Variants in CDKAL1 observed in about 807,000 individuals in gnomAD.
CDKAL1 encodes threonylcarbamoyladenosine tRNA methylthiotransferase.
A neutral mutation model predicts 68.2 loss-of-function variants in CDKAL1; 32 were observed. That is an observed-to-expected ratio of 0.47 (90% confidence interval 0.35 to 0.63). The LOEUF (loss-of-function observed/expected upper bound fraction) is 0.63. CDKAL1 is among the 30% of genes least tolerant of loss of function. CDKAL1 has a pLI of 0.00. For missense variants in CDKAL1, 606 were observed against 696.7 expected (o/e 0.87, Z 1.47); for synonymous variants, 234 against 244.3 (o/e 0.96, Z 0.39).
rs1211079810 is a variant in CDKAL1 at position 21,029,990 on chromosome 6, G to T, written c.1055+29618G>T. Among the ~76,000 whole-genome samples, 4 of 152,214 alleles carry T rather than the reference G, an allele frequency of 2.6e-5. No homozygotes were observed. The East Asian group carries it at 5.8e-4, about 22-fold the overall frequency. On this transcript the variant is annotated intron_variant, in intron 11 of 15. Transcript: ENST00000274695. The stretch of plus-strand genomic sequence containing the variant: ...CTCATTACTGGGTATATACCCAAAG[G>T]AATATAAATCATTCTACTGTAAGAC...
At chr6:20,824,147 C>T (rs963335637) in intron 8 of CDKAL1, among the ~76,000 whole-genome samples, 1 of 152,164 alleles carries the variant, frequency 6.6e-6, no homozygotes, top group Non-Finnish European at 1.5e-5. Context: ...TCTACTCTTA[C>T]TACTGCTTTA....
intron 10 of CDKAL1, among the ~76,000 whole-genome samples, chr6:20,966,008 A>ACTAAGGTAATTACTAAGG (rs1203829673): frequency 6.6e-6 from 1 of 152,234 alleles, no homozygotes; most frequent in Non-Finnish European, 1.5e-5. Flanking sequence ...TACCTTAGGC[A>ACTAAGGTAATTACTAAGG]CTTGCTAATT....
intron 5 of CDKAL1, among the ~76,000 whole-genome samples, chr6:20,738,489 T>TTTG (rs1773298627): frequency 6.8e-6 from 1 of 147,962 alleles, no homozygotes; most frequent in East Asian, 1.9e-4. Context: ...TTCTTAGTTT[T>TTTG]TTTTTTTTTT....
intron 5 of CDKAL1, among the ~76,000 whole-genome samples, chr6:20,732,441 ATT>A (rs35633408): frequency 4.2e-5 from 5 of 119,002 alleles, no homozygotes; most frequent in African/African-American, 1.2e-4. Context: ...ACACCTGGCT[ATT>A]TTTTTTTTTT....
At chr6:21,226,572 C>G (rs192157564) in intron 15 of CDKAL1, among the ~76,000 whole-genome samples, 30 of 152,268 alleles carry the variant, frequency 2.0e-4, no homozygotes, top group Non-Finnish European at 8.8e-5. Flanking sequence ...ATAAATAACG[C>G]CTTTTGCGTA....
chr6:20,942,870 G>T (rs1255342428), intron 9 of CDKAL1, among the ~76,000 whole-genome samples: 5 of 146,494 alleles, frequency 3.4e-5, no homozygotes, highest in Non-Finnish European at 7.5e-5. Flanking sequence ...CAGGAGAATC[G>T]CTTGAACCAG....
chr6:20,923,716 T>C (rs1561887678), intron 9 of CDKAL1, among the ~76,000 whole-genome samples: 2 of 152,144 alleles, frequency 1.3e-5, no homozygotes, highest in Admixed American at 6.5e-5. Flanking sequence ...TCACTTTTTG[T>C]CAAAAGCTAG....
chr6:20,976,090 C>T lies in CDKAL1; in HGVS notation c.909+20505C>T, dbSNP rs147217352. Among the ~76,000 whole-genome samples the T allele has an allele frequency of 3.0e-3, 454 of 152,240 alleles. 4 individuals carry two copies. The highest frequency in any genetic ancestry group is 9.4e-3 in the African/African-American group (389 of 41,558). On this transcript the variant is annotated intron_variant, in intron 10 of 15. Coordinates refer to ENST00000274695, the MANE Select transcript of CDKAL1 (RefSeq NM_017774.3). ...GCTCTTTTTACTGTCTCCATAGTTTCGCCTTTTCCAGAATGTCATATAATT... is the reference window on the plus strand; with the variant it reads ...GCTCTTTTTACTGTCTCCATAGTTTTGCCTTTTCCAGAATGTCATATAATT...
chr6:21,193,523 A>C (rs1778343666), intron 13 of CDKAL1, among the ~76,000 whole-genome samples: 1 of 152,168 alleles, frequency 6.6e-6, no homozygotes, highest in South Asian at 2.1e-4. Flanking sequence ...TCCCACTTCT[A>C]CCAACCTCTC....
At chr6:20,982,140 C>T (rs1024455930) in intron 10 of CDKAL1, among the ~76,000 whole-genome samples, 2 of 151,850 alleles carry the variant, frequency 1.3e-5, no homozygotes, top group African/African-American at 4.8e-5. Flanking sequence ...AATCTTGGCT[C>T]ATTGCAACCT....
chr6:20,985,194 T>A (rs1229500287), intron 10 of CDKAL1, among the ~76,000 whole-genome samples: 3 of 152,244 alleles, frequency 2.0e-5, no homozygotes, highest in African/African-American at 7.2e-5. Context: ...GTATTTAGCT[T>A]GAACATCACT....
At chr6:21,091,085 A>G (rs1299367900) in intron 12 of CDKAL1, among the ~76,000 whole-genome samples, 2 of 152,160 alleles carry the variant, frequency 1.3e-5, no homozygotes, top group Non-Finnish European at 2.9e-5. Context: ...GCATGAGTGT[A>G]CTAACAATTC....
intron 5 of CDKAL1, among the ~76,000 whole-genome samples, chr6:20,695,906 ACT>A (rs1771084336): frequency 1.3e-5 from 2 of 151,922 alleles, no homozygotes; most frequent in African/African-American, 4.8e-5. Context: ...CCAAACTAAA[ACT>A]CTGTACCCAT....
chr6:21,164,160 T>A (rs62404508), intron 13 of CDKAL1, among the ~76,000 whole-genome samples: 21,986 of 151,862 alleles, frequency 0.14, 1,762 homozygotes, highest in Middle Eastern at 0.2. Flanking sequence ...ACTTACAGCT[T>A]AAATTGATGA....
intron 5 of CDKAL1, among the ~76,000 whole-genome samples, chr6:20,722,917 T>G (rs1330455759): frequency 6.6e-6 from 1 of 152,078 alleles, no homozygotes; most frequent in African/African-American, 2.4e-5. Context: ...TGACCTGCGC[T>G]TCCCATCCCC....
intron 9 of CDKAL1, among the ~76,000 whole-genome samples, chr6:20,938,782 A>G (rs541398561): frequency 8.1e-4 from 123 of 152,012 alleles, no homozygotes; most frequent in African/African-American, 2.9e-3. Context: ...TTTTCTGTTG[A>G]ATATATATAG....
intron 4 of CDKAL1, among the ~76,000 whole-genome samples, chr6:20,596,704 A>C (rs1202585511): frequency 6.6e-6 from 1 of 152,110 alleles, no homozygotes; most frequent in African/African-American, 2.4e-5. Context: ...AGGCGCCACT[A>C]GGGTATGTAG....
At chr6:20,649,989 T>A (rs1054550677) in intron 5 of CDKAL1, among the ~76,000 whole-genome samples, 1 of 152,230 alleles carries the variant, frequency 6.6e-6, no homozygotes, top group Admixed American at 6.5e-5. Flanking sequence ...GTTGATTCCA[T>A]GTCTTTGCTA....
intron 5 of CDKAL1, among the ~76,000 whole-genome samples, chr6:20,666,467 A>C (rs1769548235): frequency 6.6e-6 from 1 of 152,152 alleles, no homozygotes; most frequent in Non-Finnish European, 1.5e-5. Context: ...TCCTACAGAC[A>C]TGAAATACCT....
Sources: gnomAD v4.1 joint callset for allele counts (sites outside exome capture counted in the v4.1 genomes callset) on GRCh38, gnomAD v4.1.1 for gene constraint, MANE v1.5 for transcripts, NCBI Gene and HGNC (gene_info 2026-07-23, HGNC 2026-07-21) for gene names.